MAGI1: variants seen among roughly 807,000 people sequenced by gnomAD.
MAGI1 encodes the protein membrane-associated guanylate kinase, WW and PDZ domain-containing protein 1.
In MAGI1, 58 loss-of-function variants were observed where a neutral mutation model predicts 139.9. That is an observed-to-expected ratio of 0.41 (90% CI 0.34 to 0.52). MAGI1 has a LOEUF of 0.52. Ranked by LOEUF, MAGI1 falls within the 20% of genes least tolerant of loss-of-function variation. The probability of loss-of-function intolerance (pLI) is 0.12; values close to 1 mark genes in which losing one functional copy is unlikely to be tolerated. For missense variants in MAGI1, 1,874 were observed against 1,901.6 expected, an observed-to-expected ratio of 0.99 and a Z score of 0.27; for synonymous variants, 812 against 737.9, an observed-to-expected ratio of 1.10 and a Z score of -1.63.
At chr3:65,497,248 A>G (rs73832887) in intron 2 of MAGI1, among the ~76,000 whole-genome samples, 2,840 of 152,296 alleles carry the variant, frequency 0.019, 90 homozygotes, top group African/African-American at 0.063. Flanking sequence ...TTTAGGGGAA[A>G]AAAAGCCAAG....
intron 1 of MAGI1, among the ~76,000 whole-genome samples, chr3:65,944,034 A>C (rs1442993745): frequency 6.6e-6 from 1 of 152,214 alleles, no homozygotes; most frequent in Non-Finnish European, 1.5e-5. Context: ...TCCAGGAAAA[A>C]AACATTCTTT....
chr3:65,530,175 G>C (rs1340110420), intron 2 of MAGI1, among the ~76,000 whole-genome samples: 1 of 152,152 alleles, frequency 6.6e-6, no homozygotes, highest in East Asian at 1.9e-4. Flanking sequence ...GGTTAAAATA[G>C]AGAAGGTGAT....
intron 1 of MAGI1, among the ~76,000 whole-genome samples, chr3:66,030,548 G>A (rs1388601847): frequency 6.6e-6 from 1 of 152,166 alleles, no homozygotes; most frequent in East Asian, 1.9e-4. Flanking sequence ...ATAAAGCTGA[G>A]AGGGGGAACA....
At chr3:65,689,466 C>A (rs1227462179) in intron 1 of MAGI1, among the ~76,000 whole-genome samples, 1 of 151,894 alleles carries the variant, frequency 6.6e-6, no homozygotes, top group Non-Finnish European at 1.5e-5. Flanking sequence ...AGTTAATGAC[C>A]CAAAGTAAAT....
chr3:65,849,213 CG>C (rs2059119414), intron 1 of MAGI1, among the ~76,000 whole-genome samples: 1 of 150,588 alleles, frequency 6.6e-6, no homozygotes, highest in African/African-American at 2.4e-5. Context: ...TTAGTAGAGA[CG>C]GGGTTTCGCC....
At chr3:65,555,748 C>T (rs367962714) in intron 2 of MAGI1, among the ~76,000 whole-genome samples, 1 of 152,130 alleles carries the variant, frequency 6.6e-6, no homozygotes, top group Admixed American at 6.6e-5. Flanking sequence ...GTCCCAGCTA[C>T]TTGTGAGGCT....
At chr3:65,657,431 A>AT (rs2085940155) in intron 1 of MAGI1, among the ~76,000 whole-genome samples, 1 of 97,780 alleles carries the variant, frequency 1.0e-5, no homozygotes, top group South Asian at 5.9e-4. Context: ...CCCCATCTCT[A>AT]TCAAAAAAAA....
At chr3:65,836,494 C>G (rs1196004155) in intron 1 of MAGI1, among the ~76,000 whole-genome samples, 1 of 152,058 alleles carries the variant, frequency 6.6e-6, no homozygotes, top group Non-Finnish European at 1.5e-5. Flanking sequence ...ATAGGTATGA[C>G]GAGACCAATA....
At chr3:65,941,108 G>A (rs1246153160) in intron 1 of MAGI1, among the ~76,000 whole-genome samples, 1 of 152,188 alleles carries the variant, frequency 6.6e-6, no homozygotes, top group Non-Finnish European at 1.5e-5. Flanking sequence ...CACTTTGGGA[G>A]GCTGAGGTGG....
At chr3:65,631,588 CA>C (rs143162428) in intron 1 of MAGI1, among the ~76,000 whole-genome samples, 15,239 of 152,126 alleles carry the variant, frequency 0.1, 1,902 homozygotes, top group African/African-American at 0.3. Context: ...ACAAAAAGCA[CA>C]AAAAATGTTT....
chr3:65,627,947 T>C (rs932583037), intron 1 of MAGI1, among the ~76,000 whole-genome samples: 1 of 152,216 alleles, frequency 6.6e-6, no homozygotes, highest in Non-Finnish European at 1.5e-5. Context: ...TTAAATGTTG[T>C]ATAATATTCA....
In MAGI1 at chr3:65,493,618, A is replaced by G; in HGVS notation, c.444T>C (p.Ser148=). ...YRHAVPCTTR[S]PREGEVPGVD... ...CGCCAGGCACTTCTCCTTCTCTGGGAGATCGGGTTGTGCCTGTAGCAGAAA... is the reference window on the plus strand; with the variant it reads ...CGCCAGGCACTTCTCCTTCTCTGGGGGATCGGGTTGTGCCTGTAGCAGAAA... Residue 148 remains serine (S), a synonymous_variant, in exon 3 of 23, where the codon TCT becomes TCC. Transcript: ENST00000402939. 6.2e-7 allele frequency: 1 copy of G among 1,614,166 alleles called. No homozygotes were observed. Among genetic ancestry groups the G allele is most frequent in the Non-Finnish European group, 8.5e-7 (1 of 1,180,030 alleles).
intron 1 of MAGI1, among the ~76,000 whole-genome samples, chr3:65,694,010 C>A (rs1004460275): frequency 6.6e-6 from 1 of 151,986 alleles, no homozygotes; most frequent in African/African-American, 2.4e-5. Context: ...CATGAGCCAC[C>A]GTGCCCAGCC....
At chr3:65,909,049 T>C (rs769020240) in intron 1 of MAGI1, among the ~76,000 whole-genome samples, 2 of 152,158 alleles carry the variant, frequency 1.3e-5, no homozygotes, top group Non-Finnish European at 2.9e-5. Context: ...CCATGCACAA[T>C]TGGGAATCAA....
intron 1 of MAGI1, among the ~76,000 whole-genome samples, chr3:65,944,239 G>A (rs981703978): frequency 6.6e-6 from 1 of 152,204 alleles, no homozygotes; most frequent in Non-Finnish European, 1.5e-5. Context: ...TGCTCAGCTA[G>A]GTGCAATGGC....
chr3:65,486,517 C>A lies in MAGI1; in HGVS notation c.550+6995G>T, dbSNP rs527458842. The stretch of plus-strand genomic sequence containing the variant: ...AAAGCAAGGGAAAAGGGAAATGGTT[C>A]AGCTGATTTATTTTAAGCACCATAT... On this transcript the variant is annotated intron_variant, in intron 3 of 22. Coordinates refer to ENST00000402939, the MANE Select transcript of MAGI1 (RefSeq NM_001033057.2). 6.2e-3 allele frequency among the ~76,000 whole-genome samples: 942 copies of A among 152,282 alleles called. 4 individuals are homozygous for A. The highest frequency in any genetic ancestry group is 8.5e-3 in the Non-Finnish European group (577 of 68,026).
chr3:66,024,706 T>C (rs1365478294), intron 1 of MAGI1, among the ~76,000 whole-genome samples: 3 of 152,146 alleles, frequency 2.0e-5, no homozygotes, highest in Non-Finnish European at 4.4e-5. Flanking sequence ...CTCGGGAGGC[T>C]GAAGCAGGAG....
intron 20 of MAGI1, among the ~76,000 whole-genome samples, chr3:65,364,195 A>C (rs1029013299): frequency 5.4e-5 from 8 of 147,906 alleles, no homozygotes; most frequent in Admixed American, 4.8e-4. Context: ...AAAAAAAAGG[A>C]ATCTGTTTAA....
intron 2 of MAGI1, among the ~76,000 whole-genome samples, chr3:65,537,290 T>C (rs1177909300): frequency 6.6e-6 from 1 of 152,186 alleles, no homozygotes; most frequent in African/African-American, 2.4e-5. Context: ...AAACTCCTAT[T>C]GATCCTACAA....
Sources: gnomAD v4.1 joint callset for allele counts (sites outside exome capture counted in the v4.1 genomes callset) on GRCh38, gnomAD v4.1.1 for gene constraint, MANE v1.5 for transcripts, NCBI Gene and HGNC (gene_info 2026-07-23, HGNC 2026-07-21) for gene names.